The following GUCA1C variants were observed in gnomAD, a reference collection of about 807,000 sequenced individuals.
The protein encoded by GUCA1C is guanylate cyclase activator 1C.
In GUCA1C, 15 loss-of-function variants were observed where a neutral mutation model predicts 16.2. The observed-to-expected ratio is 0.93, with a 90% confidence interval of 0.62 to 1.43. The LOEUF is 1.43. Among genes scored for constraint, GUCA1C ranks in the 40% most tolerant of loss-of-function variants. The pLI, the probability that GUCA1C is intolerant of heterozygous loss-of-function variation, is 0.00. For synonymous variants in GUCA1C, 78 were observed against 85.4 expected, an observed-to-expected ratio of 0.91 and a Z score of 0.48; for missense variants, 275 against 244.8, an observed-to-expected ratio of 1.12 and a Z score of -0.82.
intron 1 of GUCA1C, among the ~76,000 whole-genome samples, chr3:108,952,940 G>C (rs750310877): frequency 4.0e-5 from 6 of 151,078 alleles, no homozygotes; most frequent in Non-Finnish European, 8.8e-5. Flanking sequence ...ATGCACTACA[G>C]CTCCTCAGGA....
intron 1 of GUCA1C, among the ~76,000 whole-genome samples, chr3:108,927,110 T>C (rs909899354): frequency 1.4e-4 from 21 of 152,226 alleles, no homozygotes; most frequent in African/African-American, 4.8e-4. Flanking sequence ...GTTAATCTGA[T>C]AGATTTTCCC....
intron 1 of GUCA1C, among the ~76,000 whole-genome samples, chr3:108,922,160 AACACAC>A (rs56788372): frequency 0.012 from 604 of 52,090 alleles, 1 homozygote; most frequent in East Asian, 0.031. Flanking sequence ...CACATACACA[AACACAC>A]ACACACACAC....
chr3:108,931,112 T>A (rs1321492961), intron 1 of GUCA1C, among the ~76,000 whole-genome samples: 1 of 152,182 alleles, frequency 6.6e-6, no homozygotes, highest in Non-Finnish European at 1.5e-5. Context: ...CACAGGAGCA[T>A]CCTCCCTGCA....
At position 108,916,218 on chromosome 3, in the gene GUCA1C, C is replaced by A. The variant is rs1553733079; in HGVS notation, c.355-4G>T. On this transcript the variant is annotated splice_polypyrimidine_tract_variant and splice_region_variant and intron_variant, in intron 2 of 3. Coordinates refer to ENST00000261047, the MANE Select transcript of GUCA1C (RefSeq NM_005459.4). The stretch of plus-strand genomic sequence containing the variant: ...GGCCATTGAGGGCTTGTACCGCCTG[C>A]AAAAAGACATTAAATGAAAGAGGTC... The A allele has an allele frequency of 5.0e-6, 8 of 1,601,784 alleles. No individual in the cohort carries two copies. The East Asian group carries it at 1.6e-4, about 31-fold the overall frequency.
At chr3:108,919,980 A>G (rs1439137616) in intron 2 of GUCA1C, among the ~76,000 whole-genome samples, 1 of 152,114 alleles carries the variant, frequency 6.6e-6, no homozygotes, top group African/African-American at 2.4e-5. Context: ...TGAACTTTAG[A>G]TATGGAAAAG....
chr3:108,952,152 C>T (rs1021310524), intron 1 of GUCA1C, among the ~76,000 whole-genome samples: 1 of 152,156 alleles, frequency 6.6e-6, no homozygotes, highest in Non-Finnish European at 1.5e-5. Context: ...CTGCTTATAG[C>T]AGCCATACAA....
At chr3:108,940,994 G>T (rs1946780567) in intron 1 of GUCA1C, among the ~76,000 whole-genome samples, 1 of 152,080 alleles carries the variant, frequency 6.6e-6, no homozygotes, top group Non-Finnish European at 1.5e-5. Context: ...TCTTCCCAAG[G>T]TGCTGCCTGC....
chr3:108,946,259 C>T, intron 1 of GUCA1C, among the ~76,000 whole-genome samples: 1 of 152,176 alleles, frequency 6.6e-6, no homozygotes, highest in South Asian at 2.1e-4. Flanking sequence ...TCCTAAGTAT[C>T]TGAGACTATA....
At chr3:108,932,238 G>T (rs1946673897) in intron 1 of GUCA1C, among the ~76,000 whole-genome samples, 1 of 149,966 alleles carries the variant, frequency 6.7e-6, no homozygotes, top group Non-Finnish European at 1.5e-5. Context: ...ATTCTTATTG[G>T]CCTGAGCCTG....
At chr3:108,918,194 C>G (rs1407534248) in intron 2 of GUCA1C, among the ~76,000 whole-genome samples, 4 of 152,210 alleles carry the variant, frequency 2.6e-5, no homozygotes, top group Non-Finnish European at 4.4e-5. Context: ...TACGCCCTCT[C>G]TACTCTCCAA....
chr3:108,939,324 C>CTTTTTTTTGTTTTT (rs1946761436), intron 1 of GUCA1C, among the ~76,000 whole-genome samples: 1 of 32,912 alleles, frequency 3.0e-5, no homozygotes, highest in African/African-American at 1.1e-4. Flanking sequence ...TGCTTCAAGG[C>CTTTTTTTTGTTTTT]TTTTTTTTTT....
At chr3:108,935,035 G>A (rs1423229653) in intron 1 of GUCA1C, among the ~76,000 whole-genome samples, 3 of 151,652 alleles carry the variant, frequency 2.0e-5, no homozygotes, top group Admixed American at 6.6e-5. Flanking sequence ...GGACGGTCTC[G>A]ATCTCCTGAC....
At position 108,920,524 on chromosome 3, in the gene GUCA1C, AT is replaced by A; in HGVS notation, c.265del (p.Met89TrpfsTer5). The A allele has an allele frequency of 6.3e-7, 1 of 1,592,012 alleles. No homozygotes were observed. Among genetic ancestry groups the A allele is most frequent in the Non-Finnish European group, 8.6e-7 (1 of 1,160,288 alleles). Reference protein sequence around the residue: ...AAVNLIMQEKMEQKLKWYFKL... With the variant: ...AAVNLIMQEKXEQKLKWYFKL... ...AAAATACCATTTTAATTTTTGCTCC[AT>A]TTTTTCTTGCATGATTAGATTTACA... On this transcript the variant is annotated frameshift_variant, in exon 2 of 4. Transcript: ENST00000261047. LOFTEE classifies it high-confidence loss of function.
chr3:108,925,490 T>C (rs1306501429), intron 1 of GUCA1C, among the ~76,000 whole-genome samples: 1 of 152,244 alleles, frequency 6.6e-6, no homozygotes, highest in Non-Finnish European at 1.5e-5. Context: ...GAGAGACTAC[T>C]TGACATAATT....
At chr3:108,944,803 C>T (rs1946827259) in intron 1 of GUCA1C, among the ~76,000 whole-genome samples, 1 of 152,098 alleles carries the variant, frequency 6.6e-6, no homozygotes, top group Non-Finnish European at 1.5e-5. Flanking sequence ...ATAATAGGTG[C>T]CCGTTCTAGG....
chr3:108,916,330 T>C, intron 2 of GUCA1C, 116 bp from the exon 3 acceptor site: 2 of 825,802 alleles, frequency 2.4e-6, no homozygotes, highest in South Asian at 1.7e-5. Context: ...CTATCCAACC[T>C]GTACCAGTTG....
chr3:108,918,485 A>G (rs1946539087), intron 2 of GUCA1C, among the ~76,000 whole-genome samples: 1 of 152,094 alleles, frequency 6.6e-6, no homozygotes, highest in South Asian at 2.1e-4. Flanking sequence ...TGACTCAGAC[A>G]CTCACTGCTG....
chr3:108,920,909 A>C (rs547046651), intron 1 of GUCA1C, among the ~76,000 whole-genome samples: 1 of 152,160 alleles, frequency 6.6e-6, no homozygotes, highest in Non-Finnish European at 1.5e-5. Flanking sequence ...AGAATGGTAC[A>C]TTTGTTACAG....
chr3:108,923,557 T>C (rs1369761485), intron 1 of GUCA1C, among the ~76,000 whole-genome samples: 2 of 152,210 alleles, frequency 1.3e-5, no homozygotes, highest in African/African-American at 4.8e-5. Flanking sequence ...ACTATGGCCT[T>C]ATAGTATAAT....
Sources: gnomAD v4.1 joint callset for allele counts (sites outside exome capture counted in the v4.1 genomes callset) on GRCh38, gnomAD v4.1.1 for gene constraint, MANE v1.5 for transcripts, NCBI Gene and HGNC (gene_info 2026-07-23, HGNC 2026-07-21) for gene names.